HMGN5: variants seen among roughly 807,000 people sequenced by gnomAD.
The protein encoded by HMGN5 is high mobility group nucleosome binding domain 5.
A neutral mutation model predicts 9.5 loss-of-function variants in HMGN5; 4 were observed. The observed-to-expected ratio is 0.42, with a 90% confidence interval of 0.21 to 0.96. HMGN5 has a LOEUF of 0.96. HMGN5 is among the 40% of genes least tolerant of loss of function. HMGN5 has a pLI of 0.30. For missense variants in HMGN5, 192 were observed against 187.5 expected, an observed-to-expected ratio of 1.02 and a Z score of -0.14; for synonymous variants, 55 against 57.1, an observed-to-expected ratio of 0.96 and a Z score of 0.16.
At chrX:81,158,607 T>C (rs1238105097) in intron 1 of HMGN5, among the ~76,000 whole-genome samples, 2 of 112,444 alleles carry the variant, frequency 1.8e-5, no homozygotes, top group African/African-American at 6.5e-5. Context: ...TCTCCCACTC[T>C]GTAGGTTGCC....
At chrX:81,117,331 T>C (rs1427238737) in intron 5 of HMGN5, among the ~76,000 whole-genome samples, 1 of 96,212 alleles carries the variant, frequency 1.0e-5, no homozygotes, top group Admixed American at 1.2e-4. Context: ...CTCTGCTCAC[T>C]GCAACCTCCT....
chrX:81,183,269 C>A (rs190828916), intron 1 of HMGN5, among the ~76,000 whole-genome samples: 1 of 111,991 alleles, frequency 8.9e-6, no homozygotes, highest in Admixed American at 9.4e-5. Context: ...AAAGCAAGTG[C>A]TGATAGCCAA....
At position 81,183,286 on chromosome X, in the gene HMGN5, GA is replaced by G. The variant is rs369756362; in HGVS notation, c.-124+18450del. On this transcript the variant is annotated intron_variant, in intron 1 of 6. Transcript: ENST00000358130. ...AGCAAGTGCTGATAGCCAAGACAAT[GA>G]AAAAAAAAATGCCTTGAAAGCATTT... 2.9e-3 allele frequency among the ~76,000 whole-genome samples: 319 copies of G among 108,804 alleles called. 1 individual carries two copies. Among genetic ancestry groups the G allele is most frequent in the South Asian group, 7.4e-3 (19 of 2,581 alleles). The allele number at this position is 108,804 out of a possible 115,157, so 94.5% of individuals were successfully genotyped here.
intron 1 of HMGN5, among the ~76,000 whole-genome samples, chrX:81,180,035 C>G (rs1463897729): frequency 1.8e-5 from 2 of 111,444 alleles, no homozygotes; most frequent in Non-Finnish European, 3.8e-5. Context: ...TTCCTTACAC[C>G]TTATACAAAA....
chrX:81,196,020 C>G (rs1309311036), intron 1 of HMGN5, among the ~76,000 whole-genome samples: 6 of 111,102 alleles, frequency 5.4e-5, no homozygotes, highest in Non-Finnish European at 9.4e-5. Context: ...ATGCACATCA[C>G]TACATAGCAG....
At chrX:81,179,737 A>G (rs927433546) in intron 1 of HMGN5, among the ~76,000 whole-genome samples, 5 of 111,878 alleles carry the variant, frequency 4.5e-5, no homozygotes, top group Non-Finnish European at 9.4e-5. Context: ...AAGAGCACGC[A>G]TTGCCCAGAC....
chrX:81,153,224 C>G (rs1038584268), intron 1 of HMGN5, among the ~76,000 whole-genome samples: 1 of 108,329 alleles, frequency 9.2e-6, no homozygotes, highest in Non-Finnish European at 1.9e-5. Context: ...CAAAAATCCT[C>G]AACGAAATAC....
chrX:81,191,871 C>T (rs1368658197), intron 1 of HMGN5, among the ~76,000 whole-genome samples: 2 of 111,716 alleles, frequency 1.8e-5, no homozygotes, highest in Non-Finnish European at 3.8e-5. Context: ...TTTTCTAAGG[C>T]ACAAGAAGGG....
At chrX:81,178,635 G>A (rs146303855) in intron 1 of HMGN5, among the ~76,000 whole-genome samples, 1 of 111,866 alleles carries the variant, frequency 8.9e-6, no homozygotes, top group Admixed American at 9.5e-5. Flanking sequence ...AAGAGGAGCT[G>A]GTACCATTCC....
At chrX:81,124,100 A>C (rs765059705) in intron 1 of HMGN5, among the ~76,000 whole-genome samples, 12 of 112,120 alleles carry the variant, frequency 1.1e-4, no homozygotes, top group African/African-American at 3.9e-4. Context: ...TTTGTCAGCA[A>C]TTTTCTTTTT....
chrX:81,116,517 G>A (rs1384361467), intron 5 of HMGN5, among the ~76,000 whole-genome samples, 176 bp from the exon 6 acceptor site: 1 of 112,036 alleles, frequency 8.9e-6, no homozygotes, highest in Non-Finnish European at 1.9e-5. Context: ...AAATTTCATT[G>A]TAAGCCTAAA....
chrX:81,155,615 G>C (rs1749974303), intron 1 of HMGN5, among the ~76,000 whole-genome samples: 3 of 111,595 alleles, frequency 2.7e-5, no homozygotes, highest in Non-Finnish European at 3.8e-5. Flanking sequence ...TAGCTTGAAT[G>C]AATTTCCAGG....
intron 1 of HMGN5, among the ~76,000 whole-genome samples, chrX:81,123,669 T>G (rs891396137): frequency 9.8e-5 from 11 of 112,493 alleles, no homozygotes; most frequent in Non-Finnish European, 1.7e-4. Context: ...GACTAGCTTA[T>G]GAAAATGCGA....
At chrX:81,117,050 G>A (rs763217244) in intron 5 of HMGN5, among the ~76,000 whole-genome samples, 1 of 110,767 alleles carries the variant, frequency 9.0e-6, no homozygotes, top group Admixed American at 9.7e-5. Flanking sequence ...TATATAAAAA[G>A]AGAGTAATAC....
intron 1 of HMGN5, among the ~76,000 whole-genome samples, chrX:81,158,749 T>G (rs1351184860): frequency 8.9e-6 from 1 of 112,248 alleles, no homozygotes; most frequent in Non-Finnish European, 1.9e-5. Flanking sequence ...TGTGCCTATG[T>G]CCTGAATGGT....
At chrX:81,118,023 TA>T (rs1226323551) in intron 5 of HMGN5, among the ~76,000 whole-genome samples, 1 of 109,537 alleles carries the variant, frequency 9.1e-6, no homozygotes, top group East Asian at 2.8e-4. Flanking sequence ...ATTATATATA[TA>T]ATTATATATA....
chrX:81,130,991 T>C (rs1190868928), intron 1 of HMGN5, among the ~76,000 whole-genome samples: 1 of 111,400 alleles, frequency 9.0e-6, no homozygotes, highest in Non-Finnish European at 1.9e-5. Context: ...AACTTACTCA[T>C]GAGGCAAAGA....
rs200199977 is a variant in HMGN5, at chrX:81,155,482, C to CATA, written c.-123-33813_-123-33811dup. 1.3e-3 allele frequency among the ~76,000 whole-genome samples: 143 copies of CATA among 109,408 alleles called. No individual in the cohort carries two copies. The East Asian group carries it at 0.029, about 22-fold the overall frequency. On this transcript the variant is annotated intron_variant, in intron 1 of 6. Coordinates refer to ENST00000358130, the MANE Select transcript of HMGN5 (RefSeq NM_030763.3). ...CAGGAATGTTCGTAGCAGCTTTATT[C>CATA]ATAATAGCCACAAACAGTAAAAACT...
intron 1 of HMGN5, among the ~76,000 whole-genome samples, chrX:81,141,774 A>G (rs1199165193): frequency 9.0e-6 from 1 of 111,409 alleles, no homozygotes; most frequent in Admixed American, 9.6e-5. Flanking sequence ...TAAATACCAA[A>G]CTCTTCAATG....
Sources: allele counts gnomAD v4.1 joint callset (sites outside exome capture counted in the v4.1 genomes callset), GRCh38; gene constraint gnomAD v4.1.1; transcripts MANE v1.5; gene names NCBI Gene and HGNC (gene_info 2026-07-23, HGNC 2026-07-21).